Variants in OR10J1 observed in about 807,000 individuals in gnomAD.
OR10J1 encodes the protein olfactory receptor family 10 subfamily J member 1.
For synonymous variants in OR10J1, 202 were observed against 143.8 expected (o/e 1.40, Z -2.89); for missense variants, 474 against 376.6 (o/e 1.26, Z -2.14).
At chr1:159,408,108 G>A in the OR10J1 span, among the ~76,000 whole-genome samples, 2 of 151,962 alleles carry the variant, frequency 1.3e-5, no homozygotes, top group African/African-American at 4.8e-5. Flanking sequence ...TCAAGTATGA[G>A]GGCCCAGCAT....
the OR10J1 span, among the ~76,000 whole-genome samples, chr1:159,422,946 T>C: frequency 6.6e-6 from 1 of 152,170 alleles, no homozygotes; most frequent in African/African-American, 2.4e-5. Context: ...GTGCTTCCTA[T>C]AACTGTTCTG....
the OR10J1 span, among the ~76,000 whole-genome samples, chr1:159,429,498 C>A: frequency 6.6e-6 from 1 of 152,194 alleles, no homozygotes; most frequent in Non-Finnish European, 1.5e-5. Flanking sequence ...TCTTCAACCA[C>A]GGAGCAGTCC....
the OR10J1 span, among the ~76,000 whole-genome samples, chr1:159,428,866 C>T: frequency 6.6e-6 from 1 of 152,188 alleles, no homozygotes; most frequent in Non-Finnish European, 1.5e-5. Context: ...ATAAACTGTC[C>T]TGCTTTCAAA....
chr1:159,429,299 T>A, the OR10J1 span, among the ~76,000 whole-genome samples: 1 of 152,222 alleles, frequency 6.6e-6, no homozygotes, highest in Non-Finnish European at 1.5e-5. Context: ...GAGTATTTGC[T>A]GAAGAAATCA....
the OR10J1 span, among the ~76,000 whole-genome samples, chr1:159,408,102 G>A: frequency 6.6e-6 from 1 of 152,040 alleles, no homozygotes; most frequent in Admixed American, 6.6e-5. Flanking sequence ...GCAGCATCAA[G>A]TATGAGGGCC....
the OR10J1 span, among the ~76,000 whole-genome samples, chr1:159,416,332 T>C: frequency 3.9e-5 from 6 of 152,020 alleles, no homozygotes; most frequent in Admixed American, 1.3e-4. Context: ...ATAAGTGGCC[T>C]ATATTATGCT....
At chr1:159,420,789 T>C in the OR10J1 span, among the ~76,000 whole-genome samples, 1 of 152,252 alleles carries the variant, frequency 6.6e-6, no homozygotes, top group Non-Finnish European at 1.5e-5. Flanking sequence ...AAAGTTCCTT[T>C]ATAAGTGACT....
chr1:159,414,298 C>T, the OR10J1 span, among the ~76,000 whole-genome samples: 5 of 151,980 alleles, frequency 3.3e-5, no homozygotes, highest in South Asian at 2.1e-4. Context: ...TTCTCTACCT[C>T]GATGAAATCA....
chr1:159,409,984 A>C, the OR10J1 span, among the ~76,000 whole-genome samples: 3 of 152,070 alleles, frequency 2.0e-5, no homozygotes, highest in Non-Finnish European at 4.4e-5. Flanking sequence ...GGTTCTGTTT[A>C]TATGCTGGAT....
chr1:159,439,943 T>A lies in OR10J1; in HGVS notation c.152T>A (p.Met51Lys). Residue 51 changes from methionine (M) to lysine (K), a missense_variant, in exon 1 of 1, where the codon ATG becomes AAG. Met to Lys is a moderately conservative substitution (Grantham distance 95, BLOSUM62 -1). Transcript: ENST00000423932. ...ATCATCATTGTGACCATCATCCGAA[T>A]GGATCTTCATCTTCACACACCCATG... ...GNIIIVTIIR[M>K]DLHLHTPMYF... 3.1e-6 allele frequency: 5 copies of A among 1,614,122 alleles called. No individual in the cohort carries two copies. Among genetic ancestry groups the A allele is most frequent in the Non-Finnish European group, 4.2e-6 (5 of 1,179,988 alleles).
chr1:159,430,640 G>GGTGTGTGTGTGTGTGT, the OR10J1 span, among the ~76,000 whole-genome samples: 4,498 of 140,816 alleles, frequency 0.032, 108 homozygotes, highest in Middle Eastern at 0.063. Flanking sequence ...AAAAAATTAT[G>GGTGTGTGTGTGTGTGT]GTGTGTGTGT....
chr1:159,419,426 C>T, the OR10J1 span, among the ~76,000 whole-genome samples: 3 of 152,256 alleles, frequency 2.0e-5, no homozygotes, highest in South Asian at 2.1e-4. Flanking sequence ...TGGGAGTTTG[C>T]CTGCACAAGT....
the OR10J1 span, among the ~76,000 whole-genome samples, chr1:159,418,223 A>G: frequency 2.0e-5 from 3 of 152,226 alleles, no homozygotes; most frequent in East Asian, 5.8e-4. Context: ...ACAAGGAGCC[A>G]AATGTTAATT....
At chr1:159,404,034 T>C in the OR10J1 span, among the ~76,000 whole-genome samples, 1 of 152,138 alleles carries the variant, frequency 6.6e-6, no homozygotes, top group African/African-American at 2.4e-5. Context: ...ACATTGCATG[T>C]TCTCACTTAC....
At chr1:159,418,524 G>A in the OR10J1 span, among the ~76,000 whole-genome samples, 2 of 152,196 alleles carry the variant, frequency 1.3e-5, no homozygotes, top group Non-Finnish European at 2.9e-5. Flanking sequence ...CGAGGCTTGG[G>A]AACCTCTGCC....
the OR10J1 span, among the ~76,000 whole-genome samples, chr1:159,400,850 G>A: frequency 4.5e-4 from 68 of 151,898 alleles, no homozygotes; most frequent in African/African-American, 1.6e-3. Context: ...TCATTCTGAA[G>A]GATAGACTAT....
the OR10J1 span, among the ~76,000 whole-genome samples, chr1:159,431,103 A>G: frequency 9.9e-5 from 15 of 152,220 alleles, no homozygotes; most frequent in African/African-American, 2.9e-4. Context: ...TCCACACGGA[A>G]CGGGGAGACT....
chr1:159,429,173 G>T, the OR10J1 span, among the ~76,000 whole-genome samples: 1 of 152,168 alleles, frequency 6.6e-6, no homozygotes, highest in Admixed American at 6.5e-5. Context: ...CTTTTTGTGG[G>T]TAACACACAG....
the OR10J1 span, among the ~76,000 whole-genome samples, chr1:159,403,493 G>T: frequency 6.6e-6 from 1 of 152,148 alleles, no homozygotes; most frequent in Admixed American, 6.6e-5. Flanking sequence ...CATACAAATA[G>T]CATGCAGGCA....
Sources: allele counts gnomAD v4.1 joint callset (sites outside exome capture counted in the v4.1 genomes callset), GRCh38; gene constraint gnomAD v4.1.1; transcripts MANE v1.5; gene names NCBI Gene and HGNC (gene_info 2026-07-23, HGNC 2026-07-21).